Variants in EMSY observed in about 807,000 individuals in gnomAD.
The protein encoded by EMSY is BRCA2-interacting transcriptional repressor EMSY.
EMSY carries 26 observed loss-of-function variants against 134.6 expected under a neutral mutation model. That is an observed-to-expected ratio of 0.19 (90% confidence interval 0.14 to 0.27). EMSY has a LOEUF of 0.27. Ranked by LOEUF, EMSY falls within the 10% of genes least tolerant of loss-of-function variation. The probability of loss-of-function intolerance (pLI) is 1.00; values close to 1 mark genes in which losing one functional copy is unlikely to be tolerated. For synonymous variants in EMSY, 579 were observed against 577.8 expected, an observed-to-expected ratio of 1.00 and a Z score of -0.03; for missense variants, 1,305 against 1,611.4, an observed-to-expected ratio of 0.81 and a Z score of 3.26.
chr11:76,529,995 A>G (rs1419979713), intron 14 of EMSY, among the ~76,000 whole-genome samples: 1 of 152,128 alleles, frequency 6.6e-6, no homozygotes. Flanking sequence ...GGGCAGATAA[A>G]ATGTTTAGTA....
chr11:76,528,608 T>A, intron 14 of EMSY, 142 bp downstream of exon 15: 1 of 589,106 alleles, frequency 1.7e-6, no homozygotes, highest in East Asian at 3.1e-5. Flanking sequence ...TTTTTTATTG[T>A]TTGATGTTAA....
intron 17 of EMSY, among the ~76,000 whole-genome samples, chr11:76,540,329 T>C (rs913878354): frequency 6.6e-6 from 1 of 152,326 alleles, no homozygotes; most frequent in East Asian, 1.9e-4. Flanking sequence ...TAATTTGTTT[T>C]TTCTACTCAG....
At chr11:76,486,449 T>A (rs1019486575) in intron 8 of EMSY, among the ~76,000 whole-genome samples, 1 of 152,142 alleles carries the variant, frequency 6.6e-6, no homozygotes, top group Non-Finnish European at 1.5e-5. Context: ...AACAGAGGCA[T>A]GAGTGTGGAT....
exon 5 of EMSY, chr11:76,458,240 A>G (rs753800788): frequency 6.2e-7 from 1 of 1,614,124 alleles, no homozygotes. Flanking sequence ...GATTGGTACC[A>G]CTGATGCCCC....
intron 17 of EMSY, 141 bp downstream of exon 18, chr11:76,539,781 C>A: frequency 1.2e-6 from 1 of 811,796 alleles, no homozygotes; most frequent in Admixed American, 2.2e-5. Context: ...AGAGATTTTT[C>A]TTTTGTAGAA....
At chr11:76,521,199 C>G (rs894684073) in intron 11 of EMSY, among the ~76,000 whole-genome samples, 1 of 152,050 alleles carries the variant, frequency 6.6e-6, no homozygotes, top group Non-Finnish European at 1.5e-5. Flanking sequence ...GGTGTGTACT[C>G]TGGAGTACAT....
intron 9 of EMSY, 148 bp downstream of exon 10, chr11:76,496,617 C>A (rs754237872): frequency 1.1e-6 from 1 of 884,164 alleles, no homozygotes; most frequent in Non-Finnish European, 1.8e-6. Context: ...CATATAGATT[C>A]TGTATATGTT....
At chr11:76,531,800 A>G (rs1951050616) in intron 14 of EMSY, among the ~76,000 whole-genome samples, 1 of 152,186 alleles carries the variant, frequency 6.6e-6, no homozygotes, top group Non-Finnish European at 1.5e-5. Flanking sequence ...CACTATAAGG[A>G]AAAATCAATC....
chr11:76,519,276 G>A (rs1459943827), intron 11 of EMSY, among the ~76,000 whole-genome samples: 1 of 152,114 alleles, frequency 6.6e-6, no homozygotes, highest in East Asian at 1.9e-4. Flanking sequence ...TGTTGGCCAG[G>A]ATGATGTCAA....
chr11:76,470,075 A>G (rs1247467489), intron 7 of EMSY, among the ~76,000 whole-genome samples: 2 of 152,114 alleles, frequency 1.3e-5, no homozygotes. Context: ...ATTCTCTGTA[A>G]CACTCAAAGT....
Position 76,496,389 on chromosome 11 carries a change from C to T in EMSY, c.1283C>T (p.Pro428Leu), listed in dbSNP as rs936208509. The T allele has an allele frequency of 7.4e-6, 12 of 1,613,996 alleles. No individual in the cohort carries two copies. The African/African-American group carries it at 9.3e-5, about 13-fold the overall frequency. ...CAGCAACAAGTGGCCCAGCCTTCTC[C>T]AGTATCTCATCAGCAACAGCCTCAG... is the stretch of plus-strand genomic sequence containing the variant. Residue 428 changes from proline (P) to leucine (L), a missense_variant, in exon 9 of 21, where the codon CCA becomes CTA. Around this residue, in one of 7 missense-constraint regions of EMSY, gnomAD observed 180 missense variants for 171.1 expected, o/e 1.05. Transcript: ENST00000334736.
chr11:76,449,187 A>G (rs1947549648), intron 2 of EMSY, among the ~76,000 whole-genome samples: 1 of 152,234 alleles, frequency 6.6e-6, no homozygotes. Context: ...CTTGAAAAAT[A>G]ATACCAGAAA....
intron 8 of EMSY, among the ~76,000 whole-genome samples, chr11:76,480,643 A>G (rs1948937176): frequency 6.7e-6 from 1 of 149,834 alleles, no homozygotes; most frequent in African/African-American, 2.5e-5. Flanking sequence ...CCGAATAGGA[A>G]CAGCTCTGGT....
chr11:76,543,036 T>TC (rs1951505278), intron 18 of EMSY, among the ~76,000 whole-genome samples: 1 of 152,200 alleles, frequency 6.6e-6, no homozygotes, highest in Non-Finnish European at 1.5e-5. Context: ...GGGTGTGTTA[T>TC]CCCTCTTTTA....
At chr11:76,547,169 A>G (rs1300736181) in intron 20 of EMSY, 2 of 392,594 alleles carry the variant, frequency 5.1e-6, no homozygotes, top group Non-Finnish European at 1.0e-5. Context: ...AGGTATCAGA[A>G]TAGCACATTT....
intron 14 of EMSY, among the ~76,000 whole-genome samples, chr11:76,534,500 A>G (rs1252564468): frequency 2.0e-5 from 3 of 152,114 alleles, no homozygotes; most frequent in African/African-American, 7.2e-5. Context: ...TGGTAATTAA[A>G]AATTCTAGGT....
chr11:76,504,319 T>C (rs531635247), intron 9 of EMSY, among the ~76,000 whole-genome samples: 3 of 150,176 alleles, frequency 2.0e-5, no homozygotes, highest in Non-Finnish European at 1.5e-5. Context: ...ATATAAACTC[T>C]TATAACTCAA....
intron 16 of EMSY, among the ~76,000 whole-genome samples, chr11:76,538,807 AAT>A (rs777085796): frequency 1.3e-5 from 2 of 151,940 alleles, no homozygotes; most frequent in Non-Finnish European, 2.9e-5. Flanking sequence ...AAACTACAAA[AAT>A]TAGCCAGGTG....
intron 1 of EMSY, 21 bp from the exon 2 acceptor site, chr11:76,446,879 T>C (rs774181297): frequency 4.6e-5 from 30 of 649,510 alleles, no homozygotes; most frequent in Non-Finnish European, 6.6e-5. Context: ...GTAATTTGAC[T>C]TTTTTTTTTT....
Sources: gnomAD v4.1 joint callset for allele counts (sites outside exome capture counted in the v4.1 genomes callset) on GRCh38, gnomAD v4.1.1 for gene constraint, gnomAD v4.1.1 regional missense constraint, MANE v1.5 for transcripts, NCBI Gene and HGNC (gene_info 2026-07-23, HGNC 2026-07-21) for gene names.